GABRG3: variants seen among roughly 807,000 people sequenced by gnomAD.
The protein encoded by GABRG3 is gamma-aminobutyric acid type A receptor subunit gamma3, also known as gamma-aminobutyric acid receptor subunit gamma-3.
GABRG3 carries 25 observed loss-of-function variants against 48.8 expected under a neutral mutation model. That is an observed-to-expected ratio of 0.51 (90% CI 0.37 to 0.72). GABRG3 has a LOEUF of 0.72. Ranked by LOEUF, GABRG3 falls within the 30% of genes least tolerant of loss-of-function variation. The pLI, the probability that GABRG3 is intolerant of heterozygous loss-of-function variation, is 0.00. For missense variants in GABRG3, 394 were observed against 577.9 expected, an observed-to-expected ratio of 0.68 and a Z score of 3.26; for synonymous variants, 227 against 217.6, an observed-to-expected ratio of 1.04 and a Z score of -0.38.
At chr15:27,369,277 C>A (rs2140554254) in intron 5 of GABRG3, among the ~76,000 whole-genome samples, 1 of 152,198 alleles carries the variant, frequency 6.6e-6, no homozygotes, top group Admixed American at 6.5e-5. Flanking sequence ...TGAAAGAATA[C>A]AAAAACAAGG....
chr15:27,022,228 C>T (rs1895908372), intron 2 of GABRG3, among the ~76,000 whole-genome samples: 1 of 152,146 alleles, frequency 6.6e-6, no homozygotes, highest in Non-Finnish European at 1.5e-5. Context: ...TTTGAGAAGC[C>T]AGCTCAATAC....
intron 3 of GABRG3, among the ~76,000 whole-genome samples, 186 bp from the exon 4 acceptor site, chr15:27,326,623 C>T (rs1288299475): frequency 1.3e-5 from 2 of 152,204 alleles, no homozygotes; most frequent in Admixed American, 1.3e-4. Flanking sequence ...TGTTACTACA[C>T]TGTTGACAAA....
At position 27,528,059 on chromosome 15, in the gene GABRG3, G is replaced by T; in HGVS notation, c.1122+67G>T. ...CACTAAACTAAGATTGCATTTGAAA[G>T]ATAGATTGCTGTTGATGCATGCATG... On this transcript the variant is annotated intron_variant, in intron 9 of 9. Transcript: ENST00000615808. 2.5e-6 allele frequency: 3 copies of T among 1,188,248 alleles called. No homozygotes were observed. The South Asian group carries it at 3.9e-5, about 16-fold the overall frequency. 73.6% of individuals were successfully genotyped at this position (1,188,248 alleles called of 1,614,324 possible).
chr15:27,386,847 A>G (rs1384300529), intron 5 of GABRG3, among the ~76,000 whole-genome samples: 1 of 152,372 alleles, frequency 6.6e-6, no homozygotes, highest in East Asian at 1.9e-4. Context: ...AGTTCTTCAC[A>G]CAGATACTCT....
chr15:27,171,425 T>C (rs550388814), intron 3 of GABRG3, among the ~76,000 whole-genome samples: 112 of 151,902 alleles, frequency 7.4e-4, no homozygotes, highest in African/African-American at 2.5e-3. Context: ...ATTGAGTCAC[T>C]ACATTGAGTC....
At position 27,519,990 on chromosome 15, in the gene GABRG3, C is replaced by A. The variant is rs977957925; in HGVS notation, c.731C>A (p.Thr244Asn). Residue 244 changes from threonine to asparagine, a missense_variant, in exon 7 of 10, where the codon ACT becomes AAT. By Grantham distance (65) the Thr-to-Asn change is moderately conservative (BLOSUM62 0). Coordinates refer to ENST00000615808, the MANE Select transcript of GABRG3 (RefSeq NM_033223.5). ...ATTACAGGTGATTATGTTGTCATGA[C>A]TATATATTTTGAATTGAGTAGAAGA... ...TTSAGDYVVM[T>N]IYFELSRRMG... 1 of 1,565,044 alleles carries A rather than the reference C, an allele frequency of 6.4e-7. No individual in the cohort carries two copies. Among genetic ancestry groups the A allele is most frequent in the African/African-American group, 1.4e-5 (1 of 74,030 alleles).
intron 3 of GABRG3, among the ~76,000 whole-genome samples, chr15:27,118,114 T>A (rs1897673595): frequency 3.9e-5 from 6 of 152,202 alleles, no homozygotes; most frequent in Admixed American, 3.9e-4. Context: ...TTATAGTCTA[T>A]CCATTAAGTC....
chr15:26,977,184 A>G (rs778780069), intron 2 of GABRG3, 34 bp downstream of exon 2: 18 of 1,597,606 alleles, frequency 1.1e-5, no homozygotes, highest in African/African-American at 1.4e-5. Flanking sequence ...TAATAGAAAA[A>G]TATGCTGTAG....
chr15:27,479,139 C>A (rs1003325628), intron 5 of GABRG3, among the ~76,000 whole-genome samples: 3 of 149,944 alleles, frequency 2.0e-5, no homozygotes, highest in South Asian at 2.1e-4. Context: ...AAAAAAAAAA[C>A]CCTGATTTGG....
intron 5 of GABRG3, among the ~76,000 whole-genome samples, chr15:27,478,251 A>G (rs75295257): frequency 0.031 from 4,750 of 152,264 alleles, 109 homozygotes; most frequent in Non-Finnish European, 0.05. Context: ...ATATTTTAAA[A>G]CATATATCTG....
At chr15:27,133,231 A>G (rs192517679) in intron 3 of GABRG3, among the ~76,000 whole-genome samples, 2 of 152,308 alleles carry the variant, frequency 1.3e-5, no homozygotes, top group East Asian at 3.9e-4. Flanking sequence ...GCTTTCTATT[A>G]GAAAATACTA....
intron 3 of GABRG3, among the ~76,000 whole-genome samples, chr15:27,264,308 TC>T (rs925642307): frequency 6.6e-6 from 1 of 151,608 alleles, no homozygotes; most frequent in Non-Finnish European, 1.5e-5. Flanking sequence ...ACCAAATTAG[TC>T]CTAAAAACCC....
chr15:27,338,961 G>C (rs1404635579), intron 5 of GABRG3, among the ~76,000 whole-genome samples: 1 of 152,178 alleles, frequency 6.6e-6, no homozygotes, highest in East Asian at 1.9e-4. Flanking sequence ...AAATCTCCTT[G>C]TCTTCTGCCT....
Position 27,098,242 on chromosome 15 carries a change from T to C in GABRG3, c.270+71421T>C, listed in dbSNP as rs932847655. Among the ~76,000 whole-genome samples, 8 of 152,240 alleles carry C rather than the reference T, an allele frequency of 5.3e-5. No individual in the cohort carries two copies. In the East Asian group the frequency reaches 1.5e-3, roughly 29 times the overall value. On this transcript the variant is annotated intron_variant, in intron 3 of 9. Coordinates refer to ENST00000615808, the MANE Select transcript of GABRG3 (RefSeq NM_033223.5). The stretch of plus-strand genomic sequence containing the variant: ...TGAGGTCAGGAGTTCAAGACCAGCC[T>C]GACCAACATGGTGAAACACCATCTC...
At chr15:27,326,557 C>A (rs1893621867) in intron 3 of GABRG3, among the ~76,000 whole-genome samples, 2 of 152,124 alleles carry the variant, frequency 1.3e-5, no homozygotes, top group Admixed American at 1.3e-4. Flanking sequence ...CTCTCTTAGC[C>A]CCTCTTCACA....
chr15:27,354,305 C>T (rs529817936), intron 5 of GABRG3, among the ~76,000 whole-genome samples: 1 of 152,362 alleles, frequency 6.6e-6, no homozygotes, highest in South Asian at 2.1e-4. Flanking sequence ...ACCTCCTTCT[C>T]ACCTTCTCAG....
chr15:27,220,191 C>T (rs1412719541), intron 3 of GABRG3, among the ~76,000 whole-genome samples: 4 of 152,158 alleles, frequency 2.6e-5, no homozygotes, highest in Non-Finnish European at 5.9e-5. Flanking sequence ...TTTATATCAA[C>T]ACATGGAGGT....
chr15:27,424,513 GATCTACTCTCATGACTTA>G (rs1273001682), intron 5 of GABRG3, among the ~76,000 whole-genome samples: 2 of 150,490 alleles, frequency 1.3e-5, no homozygotes, highest in African/African-American at 4.9e-5. Context: ...ATTCATGAGA[GATCTACTCTCATGACTTA>G]ATCACCTCCT....
At chr15:27,307,539 A>G (rs1595662075) in intron 3 of GABRG3, among the ~76,000 whole-genome samples, 2 of 97,662 alleles carry the variant, frequency 2.0e-5, no homozygotes, top group Admixed American at 2.7e-4. Flanking sequence ...ATATTTATAT[A>G]TAAACATAGG....
Sources: allele counts gnomAD v4.1 joint callset (sites outside exome capture counted in the v4.1 genomes callset), GRCh38; gene constraint gnomAD v4.1.1; transcripts MANE v1.5; gene names NCBI Gene and HGNC (gene_info 2026-07-23, HGNC 2026-07-21).